CTNNA3: variants seen among roughly 807,000 people sequenced by gnomAD.
CTNNA3 encodes catenin alpha 3, also known as catenin alpha-3.
In CTNNA3, 76 loss-of-function variants were observed where a neutral mutation model predicts 95.7. The observed-to-expected ratio is 0.79, with a 90% CI of 0.66 to 0.96. The LOEUF is 0.96. Among genes scored for constraint, CTNNA3 ranks in the 40% least tolerant of loss-of-function variants. The pLI is 0.00. For missense variants in CTNNA3, 1,191 were observed against 1,089.8 expected (o/e 1.09, Z -1.31); for synonymous variants, 431 against 374.4 (o/e 1.15, Z -1.74).
intron 7 of CTNNA3, among the ~76,000 whole-genome samples, chr10:66,974,995 T>TA (rs1849949142): frequency 6.6e-6 from 1 of 152,124 alleles, no homozygotes; most frequent in Non-Finnish European, 1.5e-5. Context: ...TCTGAAACAA[T>TA]AGGCCTGGAA....
chr10:66,470,169 CTGGAAG>C (rs1253803762), intron 11 of CTNNA3, among the ~76,000 whole-genome samples: 1 of 151,688 alleles, frequency 6.6e-6, no homozygotes, highest in African/African-American at 2.4e-5. Context: ...TCTATTGGAA[CTGGAAG>C]AATGCAGAAT....
chr10:67,052,658 G>A (rs1225024077), intron 7 of CTNNA3: 2 of 152,138 alleles, frequency 1.3e-5, no homozygotes, highest in Admixed American at 6.5e-5. Flanking sequence ...CTATTAAGAG[G>A]ATGAGGAGAA....
intron 12 of CTNNA3, among the ~76,000 whole-genome samples, chr10:66,340,281 T>C (rs977584410): frequency 2.0e-5 from 3 of 151,870 alleles, no homozygotes; most frequent in Non-Finnish European, 4.4e-5. Flanking sequence ...ACTCTACTAC[T>C]GAATTTTTCC....
intron 10 of CTNNA3, among the ~76,000 whole-genome samples, chr10:66,607,288 A>G (rs1264057976): frequency 6.6e-6 from 1 of 151,968 alleles, no homozygotes; most frequent in Non-Finnish European, 1.5e-5. Flanking sequence ...TCAGTAATAA[A>G]TAGCCCACCA....
At position 67,209,455 on chromosome 10, in the gene CTNNA3, G is replaced by A. The variant is rs10997573; in HGVS notation, c.843+10152C>T. ...TTCAACTAACCTCTCTCAAACAGGT[G>A]AAACAGAAAACAGAAGTAAGAATGA... On this transcript the variant is annotated intron_variant, in intron 6 of 17. Transcript: ENST00000433211. 8.7e-4 allele frequency among the ~76,000 whole-genome samples: 132 copies of A among 152,268 alleles called. 4 individuals are homozygous for A. In the East Asian group the frequency reaches 0.025, roughly 28 times the overall value.
intron 1 of CTNNA3, among the ~76,000 whole-genome samples, chr10:67,734,170 T>C (rs573819939): frequency 6.6e-6 from 1 of 152,302 alleles, no homozygotes; most frequent in East Asian, 1.9e-4. Flanking sequence ...AAAATTACCA[T>C]AACTTCTGTT....
intron 17 of CTNNA3, among the ~76,000 whole-genome samples, chr10:65,953,799 G>A (rs924884059): frequency 6.6e-6 from 1 of 152,108 alleles, no homozygotes; most frequent in Admixed American, 6.5e-5. Context: ...TGGACATTTG[G>A]GTTGGTTCCA....
rs368554085 is a variant in CTNNA3 at position 66,346,211 on chromosome 10, GTATATATATATA to G, written c.1732+32929_1732+32940del. On this transcript the variant is annotated intron_variant, in intron 12 of 17. Coordinates refer to ENST00000433211, the MANE Select transcript of CTNNA3 (RefSeq NM_013266.4). ...AATTGAATAGTAAGTATGTGTGTGT[GTATATATATATA>G]TATATATATATATATATATATATAG... is the stretch of plus-strand genomic sequence containing the variant. Among the ~76,000 whole-genome samples, 211 of 105,334 alleles carry G rather than the reference GTATATATATATA, an allele frequency of 2.0e-3. 3 individuals are homozygous for G. The highest frequency in any genetic ancestry group is 6.3e-3 in the Middle Eastern group (1 of 160). 69.1% of individuals were successfully genotyped at this position (105,334 alleles called of 152,430 possible).
intron 16 of CTNNA3, among the ~76,000 whole-genome samples, chr10:65,966,956 T>A (rs1484593955): frequency 6.6e-6 from 1 of 152,146 alleles, no homozygotes; most frequent in Non-Finnish European, 1.5e-5. Context: ...AAAAGGAACG[T>A]TAAAATAATT....
chr10:66,293,439 A>AG (rs1470517404), intron 12 of CTNNA3, among the ~76,000 whole-genome samples: 1 of 151,766 alleles, frequency 6.6e-6, no homozygotes, highest in Non-Finnish European at 1.5e-5. Flanking sequence ...AACAGGGAAA[A>AG]AAAAGCTAAA....
intron 1 of CTNNA3, among the ~76,000 whole-genome samples, chr10:67,657,652 C>A (rs1840062443): frequency 6.6e-6 from 1 of 151,910 alleles, no homozygotes; most frequent in African/African-American, 2.4e-5. Context: ...TCGAGACCAG[C>A]CTGGCCAACA....
intron 13 of CTNNA3, among the ~76,000 whole-genome samples, chr10:66,180,872 G>A (rs1270682248): frequency 6.6e-6 from 1 of 152,074 alleles, no homozygotes; most frequent in South Asian, 2.1e-4. Flanking sequence ...TTCATTACTT[G>A]AAGAATTTAC....
At chr10:65,952,396 T>C (rs984502110) in intron 17 of CTNNA3, among the ~76,000 whole-genome samples, 1 of 152,014 alleles carries the variant, frequency 6.6e-6, no homozygotes, top group African/African-American at 2.4e-5. Context: ...TACTGAAGCA[T>C]CTTCTTTCTT....
intron 11 of CTNNA3, among the ~76,000 whole-genome samples, chr10:66,493,482 A>G (rs1446162492): frequency 6.6e-6 from 1 of 152,108 alleles, no homozygotes; most frequent in Non-Finnish European, 1.5e-5. Flanking sequence ...CGGTAATTTA[A>G]GTCTCCCTTG....
chr10:66,425,081 T>C (rs1475535026), intron 11 of CTNNA3, among the ~76,000 whole-genome samples: 6 of 146,902 alleles, frequency 4.1e-5, no homozygotes, highest in African/African-American at 1.5e-4. Context: ...ACTGTGTGGA[T>C]TGTTCTTTTT....
At chr10:66,609,016 G>C (rs749026942) in intron 10 of CTNNA3, among the ~76,000 whole-genome samples, 1 of 152,010 alleles carries the variant, frequency 6.6e-6, no homozygotes, top group Non-Finnish European at 1.5e-5. Context: ...TTACAGAATG[G>C]GAGATACATT....
chr10:66,224,031 T>C (rs2131988239), intron 13 of CTNNA3, among the ~76,000 whole-genome samples: 1 of 152,084 alleles, frequency 6.6e-6, no homozygotes, highest in Middle Eastern at 3.4e-3. Context: ...GCCCTGTCTC[T>C]AAAAAAATAA....
At position 67,115,391 on chromosome 10, in the gene CTNNA3, T is replaced by C. The variant is rs184803241; in HGVS notation, c.1047+64926A>G. Among the ~76,000 whole-genome samples, 746 of 151,922 alleles carry C rather than the reference T, an allele frequency of 4.9e-3. 5 individuals carry two copies. The highest frequency in any genetic ancestry group is 7.1e-3 in the Non-Finnish European group (486 of 67,976). On this transcript the variant is annotated intron_variant, in intron 7 of 17. Transcript: ENST00000433211. ...ATTAGGAGATATACCTAATGCTAAA[T>C]GATGAGTTAATGGGTGCAGCACACC... is the stretch of plus-strand genomic sequence containing the variant.
chr10:66,494,592 T>C lies in CTNNA3; in HGVS notation c.1531+26025A>G, dbSNP rs373990812. On this transcript the variant is annotated intron_variant, in intron 11 of 17. Coordinates refer to ENST00000433211, the MANE Select transcript of CTNNA3 (RefSeq NM_013266.4). The stretch of plus-strand genomic sequence containing the variant: ...CCCACAGTAATATCTTCCAAACTCT[T>C]AAGACTGGTAGCAGCAAAGGAGTAG... Among the ~76,000 whole-genome samples, 59 of 151,126 alleles carry C rather than the reference T, an allele frequency of 3.9e-4. 1 individual carries two copies. In the South Asian group the frequency reaches 0.012, roughly 32 times the overall value.
Sources: gnomAD v4.1 joint callset for allele counts (sites outside exome capture counted in the v4.1 genomes callset) on GRCh38, gnomAD v4.1.1 for gene constraint, MANE v1.5 for transcripts, NCBI Gene and HGNC (gene_info 2026-07-23, HGNC 2026-07-21) for gene names.